The following PDE4D variants were observed in gnomAD, a reference collection of about 807,000 sequenced individuals.
The protein encoded by PDE4D is phosphodiesterase 4D, also known as 3',5'-cyclic-AMP phosphodiesterase 4D.
In PDE4D, 24 loss-of-function variants were observed where a neutral mutation model predicts 87.4. That is an observed-to-expected ratio of 0.27 (90% CI 0.20 to 0.39). PDE4D has a LOEUF of 0.39. Ranked by LOEUF, PDE4D falls within the 10% of genes least tolerant of loss-of-function variation. The pLI is 1.00. For synonymous variants in PDE4D, 384 were observed against 383.2 expected, an observed-to-expected ratio of 1.00 and a Z score of -0.02; for missense variants, 714 against 1,041.0, an observed-to-expected ratio of 0.69 and a Z score of 4.32.
chr5:59,131,954 G>A (rs907849588), intron 5 of PDE4D, among the ~76,000 whole-genome samples: 31 of 151,952 alleles, frequency 2.0e-4, no homozygotes, highest in African/African-American at 6.0e-4. Context: ...TTCTAGTCGC[G>A]TATGGCTCCA....
chr5:60,214,797 A>G (rs1418922015), intron 1 of PDE4D, among the ~76,000 whole-genome samples: 1 of 152,204 alleles, frequency 6.6e-6, no homozygotes, highest in African/African-American at 2.4e-5. Flanking sequence ...AAAAGGAGAC[A>G]TTTAAACCTA....
chr5:59,270,016 T>A (rs927182560), intron 1 of PDE4D, among the ~76,000 whole-genome samples: 1 of 152,090 alleles, frequency 6.6e-6, no homozygotes, highest in Non-Finnish European at 1.5e-5. Context: ...GACAAATGGC[T>A]TTTTCCAGGG....
chr5:59,861,737 T>C (rs891705221), intron 1 of PDE4D, among the ~76,000 whole-genome samples: 2 of 152,220 alleles, frequency 1.3e-5, no homozygotes, highest in Admixed American at 6.5e-5. Context: ...GACATTTGCA[T>C]TGCAGTTCCT....
At chr5:59,963,692 A>G (rs1462260501) in intron 3 of PDE4D, among the ~76,000 whole-genome samples, 1 of 152,196 alleles carries the variant, frequency 6.6e-6, no homozygotes, top group Non-Finnish European at 1.5e-5. Flanking sequence ...AGTCTATTCC[A>G]TAGTTATACA....
intron 1 of PDE4D, among the ~76,000 whole-genome samples, chr5:59,771,522 G>GAAAT (rs1554081558): frequency 6.9e-6 from 1 of 145,066 alleles, no homozygotes; most frequent in Non-Finnish European, 1.5e-5. Flanking sequence ...AAGAAAGAAA[G>GAAAT]AAAGAAAGAA....
At chr5:59,031,606 G>T (rs1278564228) in intron 6 of PDE4D, among the ~76,000 whole-genome samples, 1 of 146,656 alleles carries the variant, frequency 6.8e-6, no homozygotes, top group East Asian at 2.0e-4. Flanking sequence ...TACTCAGGAG[G>T]CTGAGGCAGG....
At chr5:59,635,528 A>G (rs1832128159) in intron 1 of PDE4D, among the ~76,000 whole-genome samples, 1 of 152,226 alleles carries the variant, frequency 6.6e-6, no homozygotes, top group African/African-American at 2.4e-5. Context: ...ACGCATTAAA[A>G]AGCTTATCCA....
chr5:59,848,901 G>T (rs1421132146), intron 1 of PDE4D, among the ~76,000 whole-genome samples: 1 of 151,946 alleles, frequency 6.6e-6, no homozygotes, highest in Non-Finnish European at 1.5e-5. Context: ...CTATTTCGTT[G>T]ACTGAGGTGG....
intron 1 of PDE4D, among the ~76,000 whole-genome samples, chr5:59,736,595 C>T (rs906324741): frequency 6.6e-6 from 1 of 151,908 alleles, no homozygotes; most frequent in African/African-American, 2.4e-5. Context: ...ACGAGAATTG[C>T]TTGAACCCGG....
chr5:59,175,781 A>ATTTTTTTTTTTTTT (rs57572403), intron 5 of PDE4D, among the ~76,000 whole-genome samples: 5 of 94,592 alleles, frequency 5.3e-5, no homozygotes, highest in African/African-American at 2.0e-4. Context: ...CCCGGCCTCC[A>ATTTTTTTTTTTTTT]TTTTTTTTTT....
chr5:59,001,398 C>T (rs1350873653), intron 6 of PDE4D, among the ~76,000 whole-genome samples: 1 of 152,142 alleles, frequency 6.6e-6, no homozygotes, highest in Non-Finnish European at 1.5e-5. Flanking sequence ...ACTCCTGTAA[C>T]ACTGTGTCTC....
chr5:59,836,179 C>T (rs1212347706), intron 1 of PDE4D, among the ~76,000 whole-genome samples: 1 of 151,980 alleles, frequency 6.6e-6, no homozygotes, highest in Admixed American at 6.6e-5. Flanking sequence ...ATCACCATCA[C>T]CATCTTCACC....
At chr5:59,526,781 G>T (rs1582987664) in intron 1 of PDE4D, among the ~76,000 whole-genome samples, 1 of 151,958 alleles carries the variant, frequency 6.6e-6, no homozygotes, top group African/African-American at 2.4e-5. Flanking sequence ...ATGCCACCAT[G>T]CTTGGCTATT....
At chr5:59,972,093 G>T (rs1396703424) in intron 3 of PDE4D, among the ~76,000 whole-genome samples, 1 of 152,166 alleles carries the variant, frequency 6.6e-6, no homozygotes, top group East Asian at 1.9e-4. Context: ...CTCGATAGTG[G>T]CATATGTGAT....
chr5:60,450,470 T>C (rs950957153), intron 1 of PDE4D, among the ~76,000 whole-genome samples: 1 of 152,108 alleles, frequency 6.6e-6, no homozygotes, highest in Non-Finnish European at 1.5e-5. Flanking sequence ...GTTGTTTTAC[T>C]TGGAGAAGGG....
At chr5:60,401,982 G>A (rs1040867149) in intron 1 of PDE4D, among the ~76,000 whole-genome samples, 15 of 152,106 alleles carry the variant, frequency 9.9e-5, no homozygotes, top group East Asian at 1.9e-4. Flanking sequence ...AAATGGGAAA[G>A]AAAACACAGA....
intron 1 of PDE4D, among the ~76,000 whole-genome samples, chr5:59,524,619 T>C (rs1812757826): frequency 6.6e-6 from 1 of 152,202 alleles, no homozygotes; most frequent in African/African-American, 2.4e-5. Context: ...AGATGCCAAA[T>C]GTTAATCACC....
intron 1 of PDE4D, among the ~76,000 whole-genome samples, chr5:59,223,161 C>T (rs981683485): frequency 2.2e-4 from 34 of 152,140 alleles, no homozygotes; most frequent in African/African-American, 2.2e-4. Flanking sequence ...CACCCAACTC[C>T]ATAATTCCAG....
At chr5:59,232,326 A>C (rs980444163) in intron 1 of PDE4D, among the ~76,000 whole-genome samples, 1 of 152,174 alleles carries the variant, frequency 6.6e-6, no homozygotes, top group African/African-American at 2.4e-5. Flanking sequence ...CAGCAAAAAC[A>C]AAACCAAACC....
Sources: gnomAD v4.1 joint callset for allele counts (sites outside exome capture counted in the v4.1 genomes callset) on GRCh38, gnomAD v4.1.1 for gene constraint, MANE v1.5 for transcripts, NCBI Gene and HGNC (gene_info 2026-07-23, HGNC 2026-07-21) for gene names.